CAAP1: variants seen among roughly 807,000 people sequenced by gnomAD.
CAAP1 encodes the protein conserved anti-apoptotic protein.
A neutral mutation model predicts 34.0 loss-of-function variants in CAAP1; 20 were observed. The ratio of observed to expected loss-of-function variants is 0.59; its 90% CI spans 0.41 to 0.86. The LOEUF (loss-of-function observed/expected upper bound fraction) is 0.86, where lower values mean the gene tolerates loss of function less well. CAAP1 is among the 40% of genes least tolerant of loss of function. The pLI, the probability that CAAP1 is intolerant of heterozygous loss-of-function variation, is 0.00. For synonymous variants in CAAP1, 213 were observed against 166.7 expected, an observed-to-expected ratio of 1.28 and a Z score of -2.14; for missense variants, 538 against 450.5, an observed-to-expected ratio of 1.19 and a Z score of -1.76.
chr9:26,858,035 G>A (rs1218679494), intron 5 of CAAP1, among the ~76,000 whole-genome samples: 1 of 152,116 alleles, frequency 6.6e-6, no homozygotes, highest in Non-Finnish European at 1.5e-5. Flanking sequence ...TTCTGAAAGA[G>A]CAAAAAGAAA....
chr9:26,849,588 T>A (rs1169587408), intron 5 of CAAP1, among the ~76,000 whole-genome samples: 1 of 152,218 alleles, frequency 6.6e-6, no homozygotes, highest in Non-Finnish European at 1.5e-5. Context: ...TTGCATTTTT[T>A]ATATTTTACC....
chr9:26,848,264 A>G (rs1822663273), intron 5 of CAAP1, among the ~76,000 whole-genome samples: 1 of 152,222 alleles, frequency 6.6e-6, no homozygotes, highest in Non-Finnish European at 1.5e-5. Context: ...CCTGTAACCC[A>G]GCACTTTGGG....
intron 5 of CAAP1, among the ~76,000 whole-genome samples, chr9:26,847,489 C>T (rs1339435087): frequency 6.6e-6 from 1 of 151,966 alleles, no homozygotes; most frequent in African/African-American, 2.4e-5. Flanking sequence ...GCTGGGATTA[C>T]AGGAGTGAGC....
At chr9:26,886,793 T>A (rs17760820) in intron 2 of CAAP1, among the ~76,000 whole-genome samples, 1 of 152,162 alleles carries the variant, frequency 6.6e-6, no homozygotes, top group Admixed American at 6.5e-5. Flanking sequence ...AGTCAACACA[T>A]TTCTTGCCTA....
intron 1 of CAAP1, among the ~76,000 whole-genome samples, chr9:26,888,673 G>C (rs1434520220): frequency 6.6e-6 from 1 of 152,226 alleles, no homozygotes; most frequent in African/African-American, 2.4e-5. Flanking sequence ...ATATAAAATT[G>C]TGCAGCTACT....
intron 5 of CAAP1, among the ~76,000 whole-genome samples, chr9:26,852,239 A>C (rs1366744006): frequency 6.6e-6 from 1 of 152,010 alleles, no homozygotes; most frequent in Non-Finnish European, 1.5e-5. Context: ...GGATCACTTG[A>C]GGTCAGGAGT....
At position 26,870,034 on chromosome 9, in the gene CAAP1, A is replaced by C. The variant is rs530383731; in HGVS notation, c.666-8895T>G. 5 of 657,528 alleles carry C rather than the reference A, an allele frequency of 7.6e-6. No individual in the cohort carries two copies. The African/African-American group carries it at 8.1e-5, about 11-fold the overall frequency. 40.7% of individuals were successfully genotyped at this position (657,528 alleles called of 1,614,324 possible). A position where few individuals can be genotyped will look rare whatever the true frequency, so the allele number is the denominator to read the frequency against. On this transcript the variant is annotated intron_variant, in intron 4 of 5. Coordinates refer to ENST00000333916, the MANE Select transcript of CAAP1 (RefSeq NM_024828.4). ...AAAGTTAGGTTTCTGTAATAGAAAGAATAACTTTTTTTTTTTTTTTTTTTT... is the reference window on the plus strand; with the variant it reads ...AAAGTTAGGTTTCTGTAATAGAAAGCATAACTTTTTTTTTTTTTTTTTTTT...
rs1378119387 is a variant in CAAP1, at chr9:26,892,727, T to C, written c.-12A>G. On this transcript the variant is annotated 5_prime_UTR_variant, in exon 1 of 6. Transcript: ENST00000333916. ...TTTTTCCCCGTCATGATCCCTCTGC[T>C]GCAACCATCGGAGGAAAGTCCGCTG... 12 of 1,571,872 alleles carry C rather than the reference T, an allele frequency of 7.6e-6. No homozygotes were observed. Among genetic ancestry groups the C allele is most frequent in the Non-Finnish European group, 1.0e-5 (12 of 1,163,408 alleles).
intron 4 of CAAP1, chr9:26,880,283 A>G (rs1823558755): frequency 2.5e-6 from 1 of 400,686 alleles, no homozygotes. Context: ...AAGCACCAAT[A>G]GCTGCGCTCT....
chr9:26,884,185 T>C (rs570497786), intron 4 of CAAP1, among the ~76,000 whole-genome samples: 6 of 152,326 alleles, frequency 3.9e-5, no homozygotes, highest in African/African-American at 1.4e-4. Context: ...GTTAATTGTT[T>C]TAAGCAAATA....
At position 26,861,102 on chromosome 9, in the gene CAAP1, C is replaced by T; in HGVS notation, c.703G>A (p.Glu235Lys). Residue 235 changes from glutamate (E) to lysine (K), a missense_variant, in exon 5 of 6, where the codon GAG becomes AAG. Glu to Lys is a moderately conservative substitution (Grantham distance 56). Around this residue, in one of 3 missense-constraint regions of CAAP1, gnomAD observed 514 missense variants for 408.4 expected, o/e 1.26. Transcript: ENST00000333916. ...ICIDSASSVR[E>K]NKQPEGLELK... Reference sequence around the variant, plus strand: ...TCCAAACCTTCAGGTTGCTTATTCTCTCTCACGGATGAAGCAGAATCTATA... The same window carrying T: ...TCCAAACCTTCAGGTTGCTTATTCTTTCTCACGGATGAAGCAGAATCTATA... The T allele has an allele frequency of 1.2e-6, 2 of 1,612,030 alleles. No individual in the cohort carries two copies. The highest frequency in any genetic ancestry group is 1.7e-6 in the Non-Finnish European group (2 of 1,178,420).
At chr9:26,889,950 G>A (rs1188771732) in intron 1 of CAAP1, among the ~76,000 whole-genome samples, 3 of 150,732 alleles carry the variant, frequency 2.0e-5, no homozygotes, top group Non-Finnish European at 4.4e-5. Flanking sequence ...TTATCTACAT[G>A]CCTAATATGC....
intron 4 of CAAP1, among the ~76,000 whole-genome samples, chr9:26,883,538 G>C (rs1458339499): frequency 6.6e-6 from 1 of 152,070 alleles, no homozygotes; most frequent in African/African-American, 2.4e-5. Flanking sequence ...AGTTGAAAAG[G>C]TAACACTAAT....
intron 4 of CAAP1, among the ~76,000 whole-genome samples, chr9:26,862,452 C>G (rs1429819532): frequency 6.6e-6 from 1 of 151,466 alleles, no homozygotes; most frequent in Non-Finnish European, 1.5e-5. Context: ...TGTAACATCA[C>G]CAATAAGAGG....
At chr9:26,846,147 G>A (rs1248745039) in intron 5 of CAAP1, among the ~76,000 whole-genome samples, 5 of 152,052 alleles carry the variant, frequency 3.3e-5, no homozygotes, top group African/African-American at 4.8e-5. Context: ...AGCTGGGCAC[G>A]GTGGCTCACG....
intron 2 of CAAP1, among the ~76,000 whole-genome samples, chr9:26,886,456 C>A (rs1336679941): frequency 1.3e-5 from 2 of 152,110 alleles, no homozygotes; most frequent in African/African-American, 4.8e-5. Flanking sequence ...CCCAGCTATT[C>A]TTAAGCAGTC....
intron 4 of CAAP1, chr9:26,880,378 A>G (rs1823561031): frequency 1.9e-5 from 5 of 268,082 alleles, no homozygotes. Flanking sequence ...AGTTCAGTGG[A>G]CTTCCAGAAA....
intron 4 of CAAP1, among the ~76,000 whole-genome samples, chr9:26,875,831 CT>C (rs1351025192): frequency 1.3e-5 from 2 of 151,784 alleles, no homozygotes; most frequent in Non-Finnish European, 2.9e-5. Context: ...GTGGTGTGAT[CT>C]CCTTTGGAAT....
rs148578978 is a variant in CAAP1, at chr9:26,867,768, T to C, written c.666-6629A>G. Among the ~76,000 whole-genome samples the C allele has an allele frequency of 7.2e-5, 11 of 152,264 alleles. No homozygotes were observed. The East Asian group carries it at 2.1e-3, about 29-fold the overall frequency. ...CTTATTAATATGTCCATAAGTATAT[T>C]ACCATATTGCAAAATATTTTAATAT... is the stretch of plus-strand genomic sequence containing the variant. On this transcript the variant is annotated intron_variant, in intron 4 of 5. Coordinates refer to ENST00000333916, the MANE Select transcript of CAAP1 (RefSeq NM_024828.4).
Sources: gnomAD v4.1 joint callset for allele counts (sites outside exome capture counted in the v4.1 genomes callset) on GRCh38, gnomAD v4.1.1 for gene constraint, gnomAD v4.1.1 regional missense constraint, MANE v1.5 for transcripts, NCBI Gene and HGNC (gene_info 2026-07-23, HGNC 2026-07-21) for gene names.